Variants in SAMMSON observed in about 807,000 individuals in gnomAD.
SAMMSON encodes the protein long intergenic non-protein coding RNA 1212.
At chr3:70,145,780 C>G (rs1331289353) in intron 4 of SAMMSON, among the ~76,000 whole-genome samples, 1 of 151,418 alleles carries the variant, frequency 6.6e-6, no homozygotes, top group African/African-American at 2.4e-5. Flanking sequence ...TTACCTTCCA[C>G]CTTAAGAAAC....
intron 4 of SAMMSON, among the ~76,000 whole-genome samples, chr3:70,244,398 AG>A (rs776529141): frequency 7.2e-5 from 11 of 152,216 alleles, no homozygotes; most frequent in Non-Finnish European, 1.3e-4. Context: ...GCCTGTCAAA[AG>A]GGCATTCTAT....
At chr3:70,385,262 TATG>T (rs1322360780) in intron 9 of SAMMSON, among the ~76,000 whole-genome samples, 21 of 152,082 alleles carry the variant, frequency 1.4e-4, no homozygotes, top group African/African-American at 4.6e-4. Context: ...AAAATGTTCT[TATG>T]ATAACTAACA....
At chr3:70,068,520 G>A (rs1429611936) in intron 3 of SAMMSON, 1 of 152,070 alleles carries the variant, frequency 6.6e-6, no homozygotes, top group Middle Eastern at 3.2e-3. Flanking sequence ...CCGCTTATGG[G>A]AGGTGGTGGG....
intron 7 of SAMMSON, among the ~76,000 whole-genome samples, chr3:70,318,777 C>G (rs779566841): frequency 1.2e-4 from 18 of 152,032 alleles, no homozygotes; most frequent in South Asian, 8.3e-4. Flanking sequence ...TTTGTCATAG[C>G]AAGTAGTTAA....
At chr3:70,129,781 T>C (rs1464576343) in intron 4 of SAMMSON, among the ~76,000 whole-genome samples, 1 of 152,220 alleles carries the variant, frequency 6.6e-6, no homozygotes, top group Non-Finnish European at 1.5e-5. Context: ...TTTTAAAATA[T>C]GATATGGACA....
At chr3:70,078,653 C>T (rs929323313) in intron 4 of SAMMSON, among the ~76,000 whole-genome samples, 29 of 152,114 alleles carry the variant, frequency 1.9e-4, no homozygotes, top group Admixed American at 3.9e-4. Flanking sequence ...TGCCCAAGTC[C>T]TTTACTTTTA....
chr3:70,103,046 A>C (rs758090947), intron 4 of SAMMSON, among the ~76,000 whole-genome samples: 12 of 152,232 alleles, frequency 7.9e-5, no homozygotes, highest in Non-Finnish European at 1.5e-4. Context: ...TAAATATGTA[A>C]AGCAGGCCAA....
intron 3 of SAMMSON, chr3:70,030,549 TA>T (rs1433043816): frequency 6.6e-6 from 1 of 152,202 alleles, no homozygotes; most frequent in Non-Finnish European, 1.5e-5. Context: ...CTGACATCAG[TA>T]TCCTGAGGTG....
At chr3:70,294,460 A>G (rs774939197) in intron 7 of SAMMSON, among the ~76,000 whole-genome samples, 1 of 152,168 alleles carries the variant, frequency 6.6e-6, no homozygotes, top group Non-Finnish European at 1.5e-5. Flanking sequence ...ATTCCCTGAC[A>G]GTTTCAAAAA....
At chr3:70,219,571 A>G (rs6799511) in intron 4 of SAMMSON, among the ~76,000 whole-genome samples, 49,472 of 152,082 alleles carry the variant, frequency 0.33, 10,458 homozygotes, top group Non-Finnish European at 0.47. Flanking sequence ...CTGAGAAATA[A>G]TCTTAAGGAT....
At chr3:70,264,289 T>C (rs1701894445) in intron 6 of SAMMSON, among the ~76,000 whole-genome samples, 1 of 152,234 alleles carries the variant, frequency 6.6e-6, no homozygotes, top group African/African-American at 2.4e-5. Flanking sequence ...TAGTTAAGTA[T>C]ACTTTTGCAA....
chr3:70,239,951 C>T (rs916899205), intron 4 of SAMMSON, among the ~76,000 whole-genome samples: 1 of 151,990 alleles, frequency 6.6e-6, no homozygotes, highest in Non-Finnish European at 1.5e-5. Flanking sequence ...GTATTTCTTT[C>T]ACTGACCAAA....
chr3:70,016,142 G>T (rs907121183), intron 3 of SAMMSON, among the ~76,000 whole-genome samples: 1 of 152,194 alleles, frequency 6.6e-6, no homozygotes, highest in African/African-American at 2.4e-5. Context: ...TTGCCACACT[G>T]TCTTCCACAA....
At chr3:70,223,204 A>C (rs1375138617) in intron 4 of SAMMSON, among the ~76,000 whole-genome samples, 1 of 152,096 alleles carries the variant, frequency 6.6e-6, no homozygotes, top group Non-Finnish European at 1.5e-5. Flanking sequence ...TTTTTGTCTA[A>C]GTTTTCCCTT....
intron 2 of SAMMSON, among the ~76,000 whole-genome samples, chr3:70,403,718 T>C (rs1402678367): frequency 2.0e-5 from 3 of 152,176 alleles, no homozygotes; most frequent in African/African-American, 7.2e-5. Flanking sequence ...TTCTGACTCC[T>C]CCTGTATAGA....
chr3:70,013,900 T>C (rs1308113351), intron 3 of SAMMSON: 1 of 152,098 alleles, frequency 6.6e-6, no homozygotes, highest in Non-Finnish European at 1.5e-5. Flanking sequence ...ATCCAACGGC[T>C]CTCTGGAAAA....
At chr3:70,156,741 T>C (rs931993917) in intron 4 of SAMMSON, among the ~76,000 whole-genome samples, 2 of 152,132 alleles carry the variant, frequency 1.3e-5, no homozygotes, top group East Asian at 3.9e-4. Flanking sequence ...TCTGATTTTT[T>C]TTCTTTTGGA....
intron 4 of SAMMSON, among the ~76,000 whole-genome samples, chr3:70,179,935 C>A (rs1448056758): frequency 1.3e-5 from 2 of 151,676 alleles, no homozygotes; most frequent in African/African-American, 2.4e-5. Flanking sequence ...AGTCCTGTGA[C>A]CTTTATTCTC....
intron 4 of SAMMSON, among the ~76,000 whole-genome samples, chr3:70,134,123 G>A (rs1447520800): frequency 6.6e-6 from 1 of 151,100 alleles, no homozygotes; most frequent in Non-Finnish European, 1.5e-5. Flanking sequence ...AGCTGGGCAT[G>A]GTGGCAGGTG....
Sources: gnomAD v4.1 joint callset for allele counts (sites outside exome capture counted in the v4.1 genomes callset) on GRCh38, gnomAD v4.1.1 for gene constraint, MANE v1.5 for transcripts, NCBI Gene and HGNC (gene_info 2026-07-23, HGNC 2026-07-21) for gene names.